VPS37C: variants seen among roughly 807,000 people sequenced by gnomAD.
VPS37C encodes the protein vacuolar protein sorting-associated protein 37C.
Under a neutral mutation model 16.1 loss-of-function variants are expected in VPS37C, and 9 were observed. The observed-to-expected ratio is 0.56, with a 90% confidence interval of 0.34 to 0.97. VPS37C has a LOEUF of 0.97. Ranked by LOEUF, VPS37C falls within the 50% of genes least tolerant of loss-of-function variation. The probability of loss-of-function intolerance (pLI) is 0.02; values close to 1 mark genes in which losing one functional copy is unlikely to be tolerated. For synonymous variants in VPS37C, 207 were observed against 206.4 expected (o/e 1.00, Z -0.02); for missense variants, 479 against 472.7 (o/e 1.01, Z -0.12).
intron 1 of VPS37C, among the ~76,000 whole-genome samples, chr11:61,159,769 G>A (rs193014194): frequency 6.6e-6 from 1 of 151,176 alleles, no homozygotes; most frequent in African/African-American, 2.4e-5. Flanking sequence ...CGGGCGTGGT[G>A]GTGGGCACCT....
chr11:61,146,736 A>G (rs188427922), intron 1 of VPS37C, among the ~76,000 whole-genome samples: 1 of 152,352 alleles, frequency 6.6e-6, no homozygotes, highest in Admixed American at 6.5e-5. Flanking sequence ...CGTTCCTTGC[A>G]CAGAGAAGAG....
intron 1 of VPS37C, among the ~76,000 whole-genome samples, chr11:61,157,798 G>A (rs764509675): frequency 6.6e-6 from 1 of 152,236 alleles, no homozygotes; most frequent in Non-Finnish European, 1.5e-5. Flanking sequence ...GATTTCCAAT[G>A]TTGGAGGTAG....
rs750686386 is a variant in VPS37C at position 61,130,834 on chromosome 11, C to T, written c.*986G>A. ...GTAAAGTTAGGGCCTCTTTTGATGC[C>T]TGTCTTAGGATGGACACTGGGGGTG... On this transcript the variant is annotated 3_prime_UTR_variant, in exon 5 of 5. Transcript: ENST00000301765. 2.3e-6 allele frequency: 1 copy of T among 437,286 alleles called. No homozygotes were observed. The highest frequency in any genetic ancestry group is 1.6e-5 in the South Asian group (1 of 61,996). The allele number at this position is 437,286 out of a possible 1,614,324, so 27.1% of individuals were successfully genotyped here.
At chr11:61,147,731 A>G (rs1174051298) in intron 1 of VPS37C, among the ~76,000 whole-genome samples, 7 of 151,474 alleles carry the variant, frequency 4.6e-5, no homozygotes, top group African/African-American at 1.7e-4. Flanking sequence ...AAAATGCAGC[A>G]TTTTCTAGAC....
At chr11:61,133,902 G>C in intron 3 of VPS37C, 134 bp downstream of exon 3, 1 of 1,066,576 alleles carries the variant, frequency 9.4e-7, no homozygotes, top group Non-Finnish European at 1.3e-6. Context: ...ATAAAATGGA[G>C]TAACAACAGT....
intron 1 of VPS37C, among the ~76,000 whole-genome samples, chr11:61,147,872 T>A (rs1237925295): frequency 2.0e-5 from 3 of 152,194 alleles, no homozygotes; most frequent in African/African-American, 7.2e-5. Context: ...AATTCTGTCC[T>A]GTGCAGACAT....
intron 1 of VPS37C, among the ~76,000 whole-genome samples, chr11:61,155,774 G>A (rs1853367288): frequency 6.6e-6 from 1 of 152,048 alleles, no homozygotes; most frequent in Non-Finnish European, 1.5e-5. Flanking sequence ...ATAGAAATGT[G>A]GATCTACATG....
chr11:61,141,450 C>A (rs1258813836), intron 1 of VPS37C, among the ~76,000 whole-genome samples: 1 of 151,812 alleles, frequency 6.6e-6, no homozygotes, highest in Non-Finnish European at 1.5e-5. Flanking sequence ...TGGGCTGGAG[C>A]AGAACCCTGG....
At chr11:61,136,344 T>C (rs963609444) in intron 2 of VPS37C, among the ~76,000 whole-genome samples, 5 of 152,034 alleles carry the variant, frequency 3.3e-5, no homozygotes, top group African/African-American at 1.2e-4. Flanking sequence ...TGGCTAATTT[T>C]TGTATTTTTA....
At chr11:61,145,818 G>C (rs74483081) in intron 1 of VPS37C, among the ~76,000 whole-genome samples, 13,881 of 152,238 alleles carry the variant, frequency 0.091, 655 homozygotes, top group Non-Finnish European at 0.11. Flanking sequence ...CGGGGACCCA[G>C]AGTCCATGGG....
Position 61,134,181 on chromosome 11 carries a change from C to T in VPS37C, c.120G>A (p.Glu40=). 1 of 1,613,880 alleles carries T rather than the reference C, an allele frequency of 6.2e-7. No homozygotes were observed. The highest frequency in any genetic ancestry group is 8.5e-7 in the Non-Finnish European group (1 of 1,179,854). The change falls in exon 3 of 5, where the codon GAG becomes GAA. Residue 40 remains glutamate, a synonymous_variant. Transcript: ENST00000301765. ...GGCTCCGGTTGGTGGCCAGTGCCATCTCCCGTTCCAGCTGTAGGTCCTGGA... is the reference window on the plus strand; with the variant it reads ...GGCTCCGGTTGGTGGCCAGTGCCATTTCCCGTTCCAGCTGTAGGTCCTGGA... The part of the protein sequence containing the change: ...PEVQDLQLER[E]MALATNRSLA...
intron 1 of VPS37C, among the ~76,000 whole-genome samples, chr11:61,153,158 A>G (rs1853327280): frequency 6.6e-6 from 1 of 152,112 alleles, no homozygotes; most frequent in South Asian, 2.1e-4. Flanking sequence ...TAATCCTCAT[A>G]ATCCCCACAG....
intron 1 of VPS37C, among the ~76,000 whole-genome samples, chr11:61,142,958 A>T (rs1438207014): frequency 3.4e-4 from 51 of 148,764 alleles, no homozygotes; most frequent in African/African-American, 1.2e-3. Flanking sequence ...GTATAATAAA[A>T]AAAAAAAAAG....
At chr11:61,142,311 A>C (rs1861485645) in intron 1 of VPS37C, among the ~76,000 whole-genome samples, 1 of 152,228 alleles carries the variant, frequency 6.6e-6, no homozygotes, top group Non-Finnish European at 1.5e-5. Flanking sequence ...AGCTCACTTC[A>C]GCCTTAATCT....
chr11:61,133,804 C>G (rs1391793195), intron 3 of VPS37C, among the ~76,000 whole-genome samples: 2 of 152,202 alleles, frequency 1.3e-5, no homozygotes, highest in African/African-American at 2.4e-5. Context: ...TGCAGGCTGT[C>G]TCAATTCAAA....
At chr11:61,160,377 G>T (rs993202217) in intron 1 of VPS37C, among the ~76,000 whole-genome samples, 2 of 152,190 alleles carry the variant, frequency 1.3e-5, no homozygotes, top group African/African-American at 4.8e-5. Flanking sequence ...TCTTTCCCCA[G>T]TTCCTCGGTC....
At position 61,132,314 on chromosome 11, in the gene VPS37C, C is replaced by T; in HGVS notation, c.574G>A (p.Glu192Lys). 6.3e-7 allele frequency: 1 copy of T among 1,589,688 alleles called. No homozygotes were observed. Among genetic ancestry groups the T allele is most frequent in the Non-Finnish European group, 8.6e-7 (1 of 1,165,778 alleles). ...VPQGTPPVVEEQPQPPLAMPP... is the reference protein window; with the variant it reads ...VPQGTPPVVEKQPQPPLAMPP... The stretch of plus-strand genomic sequence containing the variant: ...ATGGCTAATGGTGGCTGCGGCTGCT[C>T]TTCAACCACAGGGGGTGTTCCCTGG... Residue 192 changes from glutamate to lysine, a missense_variant, in exon 5 of 5, where the codon GAG becomes AAG. Glu to Lys is a moderately conservative substitution (Grantham distance 56). Coordinates refer to ENST00000301765, the MANE Select transcript of VPS37C (RefSeq NM_017966.5).
chr11:61,131,127 CCAA>C lies in VPS37C; in HGVS notation c.*690_*692del, dbSNP rs1861247858. 4.4e-6 allele frequency: 1 copy of C among 227,930 alleles called. No individual in the cohort carries two copies. The allele number at this position is 227,930 out of a possible 1,614,324, so 14.1% of individuals were successfully genotyped here. A position where few individuals can be genotyped will look rare whatever the true frequency, so the allele number is the denominator to read the frequency against. On this transcript the variant is annotated 3_prime_UTR_variant, in exon 5 of 5. Coordinates refer to ENST00000301765, the MANE Select transcript of VPS37C (RefSeq NM_017966.5). The stretch of plus-strand genomic sequence containing the variant: ...GGCCCAAGGCAGCCCCCTGGGTTCT[CCAA>C]CCACTGCAAGCAAGGTCTGGGGACA...
In VPS37C at chr11:61,132,399, G is replaced by A; in HGVS notation, c.489C>T (p.Ser163=). The A allele has an allele frequency of 6.2e-7, 1 of 1,606,416 alleles. No homozygotes were observed. Among genetic ancestry groups the A allele is most frequent in the Non-Finnish European group, 8.5e-7 (1 of 1,176,486 alleles). The change falls in exon 5 of 5, where the codon TCC becomes TCT. Residue 163 remains serine (S), a synonymous_variant. Transcript: ENST00000301765. The part of the protein sequence containing the change: ...LQEVVRKPRA[S]QELAGDAPPP... ...GAGGGGCATCGCCGGCCAGCTCCTGGGAAGCCCTGGGCTTCCTCACCACTT... is the reference window on the plus strand; with the variant it reads ...GAGGGGCATCGCCGGCCAGCTCCTGAGAAGCCCTGGGCTTCCTCACCACTT...
Sources: gnomAD v4.1 joint callset for allele counts (sites outside exome capture counted in the v4.1 genomes callset) on GRCh38, gnomAD v4.1.1 for gene constraint, MANE v1.5 for transcripts, NCBI Gene and HGNC (gene_info 2026-07-23, HGNC 2026-07-21) for gene names.